The following DESI1 variants were observed in gnomAD, a reference collection of about 807,000 sequenced individuals.
DESI1 encodes the protein desumoylating isopeptidase 1.
A neutral mutation model predicts 22.4 loss-of-function variants in DESI1; 17 were observed. The ratio of observed to expected loss-of-function variants is 0.76; its 90% CI spans 0.52 to 1.14. DESI1 has a LOEUF of 1.14. Among genes scored for constraint, DESI1 ranks in the 50% most tolerant of loss-of-function variants. DESI1 has a pLI of 0.00. For missense variants in DESI1, 177 were observed against 208.9 expected (o/e 0.85, Z 0.94); for synonymous variants, 92 against 84.2 (o/e 1.09, Z -0.51).
At chr22:41,614,721 A>G (rs559995831) in intron 1 of DESI1, among the ~76,000 whole-genome samples, 2 of 150,056 alleles carry the variant, frequency 1.3e-5, no homozygotes, top group South Asian at 2.1e-4. Context: ...AGTAGCTGGG[A>G]TTACAGGCAT....
chr22:41,620,280 CA>C (rs1424737556), intron 1 of DESI1, among the ~76,000 whole-genome samples: 1 of 152,078 alleles, frequency 6.6e-6, no homozygotes, highest in African/African-American at 2.4e-5. Flanking sequence ...TTCCTTTTGG[CA>C]CTGAGACAAG....
At chr22:41,620,363 A>G (rs2067579224) in intron 1 of DESI1, among the ~76,000 whole-genome samples, 1 of 151,780 alleles carries the variant, frequency 6.6e-6, no homozygotes, top group South Asian at 2.1e-4. Context: ...AGGCATCCTC[A>G]CCTTTCCTAC....
rs1168121583 is a variant in DESI1 at position 41,620,867 on chromosome 22, C to A, written c.-28G>T. The A allele has an allele frequency of 1.9e-6, 3 of 1,590,766 alleles. No individual in the cohort carries two copies. Among genetic ancestry groups the A allele is most frequent in the East Asian group, 2.3e-5 (1 of 43,206 alleles). On this transcript the variant is annotated 5_prime_UTR_variant, in exon 1 of 6. Transcript: ENST00000263256. ...GGACCCGTGGCGACGGCGGCCACGA[C>A]GGCCCTCGGGCACCCGGCAGCGGCT...
intron 1 of DESI1, among the ~76,000 whole-genome samples, chr22:41,612,833 C>G (rs1296777621): frequency 1.3e-5 from 2 of 151,494 alleles, no homozygotes; most frequent in African/African-American, 4.9e-5. Flanking sequence ...TCAAGTGATC[C>G]TCCCACCTCC....
chr22:41,604,549 A>C (rs2067468173), intron 3 of DESI1, among the ~76,000 whole-genome samples: 1 of 151,902 alleles, frequency 6.6e-6, no homozygotes, highest in South Asian at 2.1e-4. Flanking sequence ...GCCCAGCCTG[A>C]CTTCATATTT....
rs2067592554 is a variant in DESI1 at position 41,620,994 on chromosome 22, C to T, written c.-155G>A. 1.4e-6 allele frequency: 1 copy of T among 738,126 alleles called. No homozygotes were observed. The highest frequency in any genetic ancestry group is 1.9e-5 in the South Asian group (1 of 52,052). 45.7% of individuals were successfully genotyped at this position (738,126 alleles called of 1,614,324 possible). A position where few individuals can be genotyped will look rare whatever the true frequency, so the allele number is the denominator to read the frequency against. ...GGGGGAGAGGCCGCCCTGCGCTGCT[C>T]GCGCCCCCACACCCGCTACCGGCAA... is the stretch of plus-strand genomic sequence containing the variant. On this transcript the variant is annotated 5_prime_UTR_variant, in exon 1 of 6. Coordinates refer to ENST00000263256, the MANE Select transcript of DESI1 (RefSeq NM_015704.3).
intron 3 of DESI1, among the ~76,000 whole-genome samples, chr22:41,605,999 T>C (rs1032232103): frequency 2.6e-5 from 4 of 151,432 alleles, no homozygotes; most frequent in Admixed American, 2.0e-4. Context: ...GAGAAGAGAG[T>C]GAGGGTTGGG....
At chr22:41,606,773 CAAAAAAAAAAAAAAA>C (rs67262006) in intron 3 of DESI1, among the ~76,000 whole-genome samples, 5 of 62,736 alleles carry the variant, frequency 8.0e-5, no homozygotes, top group African/African-American at 2.8e-4. Context: ...GACTCCATCT[CAAAAAAAAAAAAAAA>C]AAAAAAAAAA....
chr22:41,608,350 C>T (rs758756783), intron 1 of DESI1, among the ~76,000 whole-genome samples: 1 of 152,184 alleles, frequency 6.6e-6, no homozygotes, highest in Non-Finnish European at 1.5e-5. Flanking sequence ...CAAACAGGAA[C>T]GTATCACTTT....
At chr22:41,604,909 C>T (rs111589680) in intron 3 of DESI1, among the ~76,000 whole-genome samples, 15 of 151,896 alleles carry the variant, frequency 9.9e-5, no homozygotes, top group African/African-American at 2.7e-4. Context: ...AGTTAGGAGT[C>T]GGACTTCTTG....
At position 41,607,244 on chromosome 22, in the gene DESI1, G is replaced by A; in HGVS notation, c.180+18C>T. The A allele has an allele frequency of 1.2e-6, 2 of 1,601,184 alleles. No individual in the cohort carries two copies. The highest frequency in any genetic ancestry group is 1.3e-5 in the African/African-American group (1 of 74,314). On this transcript the variant is annotated intron_variant, in intron 3 of 5. Coordinates refer to ENST00000263256, the MANE Select transcript of DESI1 (RefSeq NM_015704.3). ...GGAACCTGAGACTGCAGGACAGAGT[G>A]TAGGGGAAGACACTCACCGGGGGGC...
chr22:41,620,818 G>C lies in DESI1; in HGVS notation c.22C>G (p.Pro8Ala). 1 of 1,612,036 alleles carries C rather than the reference G, an allele frequency of 6.2e-7. No individual in the cohort carries two copies. Among genetic ancestry groups the C allele is most frequent in the Non-Finnish European group, 8.5e-7 (1 of 1,179,088 alleles). The change falls in exon 1 of 6, where the codon CCG becomes GCG. Residue 8 changes from proline to alanine, a missense_variant. By Grantham distance (27) the Pro-to-Ala change is conservative. Coordinates refer to ENST00000263256, the MANE Select transcript of DESI1 (RefSeq NM_015704.3). Reference protein sequence around the residue: MEPPNLYPVKLYVYDLSK... With the variant: MEPPNLYAVKLYVYDLSK... The stretch of plus-strand genomic sequence containing the variant: ...AGGTCGTACACGTAGAGCTTCACCG[G>C]ATAGAGATTCGGCGGCTCCATTGGG...
rs190470555 is a variant in DESI1, at chr22:41,607,787, G to C, written c.110+53C>G. On this transcript the variant is annotated intron_variant, in intron 2 of 5. Coordinates refer to ENST00000263256, the MANE Select transcript of DESI1 (RefSeq NM_015704.3). Reference sequence around the variant, plus strand: ...CACAGACTAGAACCTGAAATGCATAGAGTGCTGCCTTGTTTCAAAACTAGT... The same window carrying C: ...CACAGACTAGAACCTGAAATGCATACAGTGCTGCCTTGTTTCAAAACTAGT... 932 of 1,604,692 alleles carry C rather than the reference G, an allele frequency of 5.8e-4. 7 individuals carry two copies. The East Asian group carries it at 6.7e-3, about 12-fold the overall frequency.
rs560677888 is a variant in DESI1 at position 41,605,679 on chromosome 22, G to C, written c.181-1526C>G. Among the ~76,000 whole-genome samples the C allele has an allele frequency of 7.9e-5, 12 of 152,324 alleles. No individual in the cohort carries two copies. The East Asian group carries it at 2.3e-3, about 29-fold the overall frequency. Reference sequence around the variant, plus strand: ...GTCAGGCCTTATGCTAGGCACTGGGGCTGTGGTGTGGACAAAATAGATGAG... The same window carrying C: ...GTCAGGCCTTATGCTAGGCACTGGGCCTGTGGTGTGGACAAAATAGATGAG... On this transcript the variant is annotated intron_variant, in intron 3 of 5. Coordinates refer to ENST00000263256, the MANE Select transcript of DESI1 (RefSeq NM_015704.3).
At chr22:41,602,342 A>ATCCC (rs972256445) in intron 5 of DESI1, 14 of 985,432 alleles carry the variant, frequency 1.4e-5, no homozygotes, top group Non-Finnish European at 1.7e-5. Flanking sequence ...CATAACCTAG[A>ATCCC]TCCCTCAGCA....
chr22:41,605,954 T>A (rs2067476991), intron 3 of DESI1, among the ~76,000 whole-genome samples: 1 of 151,702 alleles, frequency 6.6e-6, no homozygotes. Flanking sequence ...GATGTCAGAG[T>A]GCAGGTTTCA....
At chr22:41,603,712 C>T (rs2067462551) in intron 4 of DESI1, among the ~76,000 whole-genome samples, 1 of 152,256 alleles carries the variant, frequency 6.6e-6, no homozygotes, top group South Asian at 2.1e-4. Context: ...GTTTGTATTT[C>T]ATCCCAACCC....
At chr22:41,604,022 C>G in intron 4 of DESI1, 22 bp downstream of exon 4, 1 of 1,600,896 alleles carries the variant, frequency 6.2e-7, no homozygotes, top group Non-Finnish European at 8.5e-7. Context: ...CACAACTAAC[C>G]ACCACCCCTG....
chr22:41,605,308 A>G (rs1273599215), intron 3 of DESI1, among the ~76,000 whole-genome samples: 1 of 152,222 alleles, frequency 6.6e-6, no homozygotes, highest in Non-Finnish European at 1.5e-5. Flanking sequence ...AAAGGCCTAC[A>G]GAAAACCCTC....
Sources: gnomAD v4.1 joint callset for allele counts (sites outside exome capture counted in the v4.1 genomes callset) on GRCh38, gnomAD v4.1.1 for gene constraint, MANE v1.5 for transcripts, NCBI Gene and HGNC (gene_info 2026-07-23, HGNC 2026-07-21) for gene names.